The following SYNE2 variants were observed in gnomAD, a reference collection of about 807,000 sequenced individuals.
SYNE2 encodes spectrin repeat containing nuclear envelope protein 2, also known as nesprin-2.
A neutral mutation model predicts 856.3 loss-of-function variants in SYNE2; 431 were observed. The observed-to-expected ratio is 0.50, with a 90% CI of 0.47 to 0.55. The LOEUF (loss-of-function observed/expected upper bound fraction) is 0.55. Among genes scored for constraint, SYNE2 ranks in the 20% least tolerant of loss-of-function variants. The pLI is 0.00. For missense variants in SYNE2, 8,129 were observed against 8,023.2 expected (o/e 1.01, Z -0.50); for synonymous variants, 2,923 against 2,872.3 (o/e 1.02, Z -0.56).
chr14:64,083,275 T>C (rs2153614990), intron 57 of SYNE2, among the ~76,000 whole-genome samples: 1 of 152,196 alleles, frequency 6.6e-6, no homozygotes, highest in East Asian at 1.9e-4. Context: ...GGATTAACTT[T>C]CCACATCCCC....
chr14:63,779,280 A>G (rs1442725176), intron 1 of SYNE2, among the ~76,000 whole-genome samples: 2 of 151,748 alleles, frequency 1.3e-5, no homozygotes, highest in Non-Finnish European at 2.9e-5. Flanking sequence ...AGCTGAGATC[A>G]TGCCACTGCA....
chr14:63,908,268 ATGCT>A (rs2095432356), intron 1 of SYNE2, among the ~76,000 whole-genome samples: 1 of 152,192 alleles, frequency 6.6e-6, no homozygotes, highest in Non-Finnish European at 1.5e-5. Flanking sequence ...ATATTTTGCA[ATGCT>A]TGCTTGATCA....
chr14:64,082,864 A>T (rs2097534749), intron 57 of SYNE2, among the ~76,000 whole-genome samples: 1 of 152,312 alleles, frequency 6.6e-6, no homozygotes, highest in Admixed American at 6.5e-5. Flanking sequence ...CACATGCCCC[A>T]CGTGTCCATG....
At position 64,007,051 on chromosome 14, in the gene SYNE2, C is replaced by G. The variant is rs1191099437; in HGVS notation, c.4406C>G (p.Ser1469Ter). 2.5e-6 allele frequency: 4 copies of G among 1,612,440 alleles called. No individual in the cohort carries two copies. The highest frequency in any genetic ancestry group is 3.4e-6 in the Non-Finnish European group (4 of 1,179,006). Residue 1469 changes from serine (S) to a stop codon, truncating the protein, a stop_gained, in exon 31 of 116, where the codon TCA (serine) becomes TGA (stop). Transcript: ENST00000555002. LOFTEE classifies it high-confidence loss of function. ...TCTCATTCATAATCAAGGAAAAAAT[C>G]ATTAATCAGACTGGATAAGGTTCTA... Reference protein sequence around the residue: ...TVPAVKHRKKSLIRLDKVLDE... With the variant: ...TVPAVKHRKK
chr14:63,942,776 T>C (rs1328733872), intron 6 of SYNE2, among the ~76,000 whole-genome samples: 1 of 151,940 alleles, frequency 6.6e-6, no homozygotes, highest in Non-Finnish European at 1.5e-5. Flanking sequence ...ATTACAGGTG[T>C]GAGCCACCAT....
At chr14:64,007,601 G>A (rs1366729500) in intron 31 of SYNE2, among the ~76,000 whole-genome samples, 1 of 152,196 alleles carries the variant, frequency 6.6e-6, no homozygotes, top group Non-Finnish European at 1.5e-5. Flanking sequence ...AATAGGCTGC[G>A]TGAGGTGGCT....
In SYNE2 at chr14:64,081,555, T is replaced by C. The variant is rs2097523937; in HGVS notation, c.11459T>C (p.Leu3820Pro). 2 of 1,614,030 alleles carry C rather than the reference T, an allele frequency of 1.2e-6. No homozygotes were observed. The highest frequency in any genetic ancestry group is 1.7e-5 in the Admixed American group (1 of 60,004). Residue 3820 changes from leucine (L) to proline (P), a missense_variant, in exon 57 of 116, where the codon CTG becomes CCG. Transcript: ENST00000555002. ...GCTGACTATGACTCTTTGAGGACAC[T>C]GAGTCACCATGCTAGCACTGTGCAG... ...NPADYDSLRT[L>P]SHHASTVQMA... is the part of the protein sequence containing the mutation.
chr14:64,173,396 A>G (rs906189945), intron 94 of SYNE2, among the ~76,000 whole-genome samples: 8 of 152,238 alleles, frequency 5.3e-5, no homozygotes, highest in Admixed American at 6.5e-5. Context: ...CCTGTGGTCC[A>G]GTTGCTGTTT....
chr14:63,820,411 G>A lies in SYNE2; in HGVS notation c.-304-32090G>A, dbSNP rs558330888. Among the ~76,000 whole-genome samples, 10 of 152,192 alleles carry A rather than the reference G, an allele frequency of 6.6e-5. No individual in the cohort carries two copies. The East Asian group carries it at 1.5e-3, about 23-fold the overall frequency. On this transcript the variant is annotated intron_variant, in intron 1 of 23. Transcript: ENST00000674003. ...CCATGTACAAACATTAATTAAGAAT[G>A]GATCAGAGACATAAATTTGAACCTA...
At chr14:63,778,609 G>C (rs182081461) in intron 1 of SYNE2, among the ~76,000 whole-genome samples, 31 of 152,032 alleles carry the variant, frequency 2.0e-4, no homozygotes, top group African/African-American at 7.5e-4. Context: ...CAACCTCCTG[G>C]GTTTAAGTGA....
intron 90 of SYNE2, 25 bp from the exon 91 acceptor site, chr14:64,167,208 C>G (rs777334413): frequency 1.9e-6 from 3 of 1,613,666 alleles, no homozygotes; most frequent in Non-Finnish European, 2.5e-6. Flanking sequence ...ATCCAAAAAC[C>G]TGTACTTCAA....
Position 64,126,631 on chromosome 14 carries a change from G to A in SYNE2, c.13741G>A (p.Ala4581Thr). 1.9e-6 allele frequency: 3 copies of A among 1,614,128 alleles called. No individual in the cohort carries two copies. Among genetic ancestry groups the A allele is most frequent in the Non-Finnish European group, 2.5e-6 (3 of 1,180,016 alleles). ...TCTTGAGTTGAAGAAACTTTATTTAGCGCTAAGTGACAAGAAGGGTGATCT... is the reference window on the plus strand; with the variant it reads ...TCTTGAGTTGAAGAAACTTTATTTAACGCTAAGTGACAAGAAGGGTGATCT... ...LALELKKLYL[A>T]LSDKKGDLLK... Residue 4581 changes from alanine to threonine, a missense_variant, in exon 73 of 116, where the codon GCG becomes ACG. Transcript: ENST00000555002.
rs777224055 is a variant in SYNE2 at position 64,202,752 on chromosome 14, A to C, written c.18039-49A>C. ...ACTAAGTATTGGGCTTTTGTTTTCC[A>C]TCACTGGTTTTTTTTTGTTTCGTTT... On this transcript the variant is annotated intron_variant, in intron 99 of 115. Transcript: ENST00000555002. 1.9e-6 allele frequency: 3 copies of C among 1,612,806 alleles called. No individual in the cohort carries two copies. In the Admixed American group the frequency reaches 5.0e-5, roughly 27 times the overall value.
At chr14:64,222,468 C>G (rs1013883468) in intron 112 of SYNE2, among the ~76,000 whole-genome samples, 1 of 152,100 alleles carries the variant, frequency 6.6e-6, no homozygotes, top group African/African-American at 2.4e-5. Context: ...ACTTTGGGAG[C>G]CTGAGACGGG....
chr14:63,828,706 C>T lies in SYNE2; in HGVS notation c.-304-23795C>T, dbSNP rs1345620788. On this transcript the variant is annotated intron_variant, in intron 1 of 23. Coordinates refer to the SYNE2 transcript ENST00000674003. ...AGATCATGACACTGCACTCCAGCCT[C>T]GGCAACAGAGTGAGACTCCATCTCA... Among the ~76,000 whole-genome samples, 4 of 151,280 alleles carry T rather than the reference C, an allele frequency of 2.6e-5. No individual in the cohort carries two copies. The East Asian group carries it at 5.8e-4, about 22-fold the overall frequency.
chr14:63,781,074 C>T (rs921987296), intron 1 of SYNE2, among the ~76,000 whole-genome samples: 4 of 152,044 alleles, frequency 2.6e-5, no homozygotes, highest in South Asian at 2.1e-4. Flanking sequence ...GTCAGGAATT[C>T]GAGACCAGCC....
intron 26 of SYNE2, among the ~76,000 whole-genome samples, chr14:63,998,623 G>A (rs769964789): frequency 1.3e-5 from 2 of 152,034 alleles, no homozygotes; most frequent in Non-Finnish European, 2.9e-5. Flanking sequence ...GTGCAGTGGC[G>A]CCATCTTGGC....
chr14:63,770,849 A>G (rs976801780), intron 1 of SYNE2, among the ~76,000 whole-genome samples: 10 of 152,006 alleles, frequency 6.6e-5, no homozygotes, highest in African/African-American at 2.4e-4. Flanking sequence ...TTTTAAATTC[A>G]TCAACCCTGG....
At chr14:63,861,692 T>G (rs562100004) in intron 1 of SYNE2, among the ~76,000 whole-genome samples, 6 of 151,034 alleles carry the variant, frequency 4.0e-5, no homozygotes, top group Admixed American at 2.6e-4. Flanking sequence ...GAGGCTGAGG[T>G]GGGAGGATCG....
Sources: gnomAD v4.1 joint callset for allele counts (sites outside exome capture counted in the v4.1 genomes callset) on GRCh38, gnomAD v4.1.1 for gene constraint, MANE v1.5 for transcripts, NCBI Gene and HGNC (gene_info 2026-07-23, HGNC 2026-07-21) for gene names.